Variants in CLTB observed in about 807,000 individuals in gnomAD.
The protein encoded by CLTB is clathrin light chain B, also known as clathrin, light chain (Lcb).
In CLTB, 10 loss-of-function variants were observed where a neutral mutation model predicts 30.5. That is an observed-to-expected ratio of 0.33 (90% confidence interval 0.20 to 0.56). The LOEUF (loss-of-function observed/expected upper bound fraction) is 0.56. CLTB is among the 20% of genes least tolerant of loss of function. The pLI, the probability that CLTB is intolerant of heterozygous loss-of-function variation, is 0.91. For synonymous variants in CLTB, 102 were observed against 120.3 expected (o/e 0.85, Z 1.00); for missense variants, 261 against 308.3 (o/e 0.85, Z 1.15).
At chr5:176,402,038 C>A (rs1269730785) in intron 2 of CLTB, among the ~76,000 whole-genome samples, 1 of 152,172 alleles carries the variant, frequency 6.6e-6, no homozygotes, top group Admixed American at 6.5e-5. Flanking sequence ...CACGGTGGCT[C>A]GCGCCTATAA....
chr5:176,399,166 GTGTT>G (rs1277667880), intron 2 of CLTB, among the ~76,000 whole-genome samples: 2 of 151,942 alleles, frequency 1.3e-5, no homozygotes, highest in East Asian at 3.9e-4. Flanking sequence ...ACTTTATAAT[GTGTT>G]TGTCTGTCTC....
At chr5:176,416,124 G>A (rs1757677694) in intron 1 of CLTB, 53 bp downstream of exon 1, 1 of 1,437,776 alleles carries the variant, frequency 7.0e-7, no homozygotes, top group Non-Finnish European at 9.1e-7. Flanking sequence ...GCCCCGGCCG[G>A]GGTCCCCCGG....
chr5:176,392,660 G>A lies in CLTB; in HGVS notation c.*114C>T, dbSNP rs1218527453. ...CCTCCCAGCGCCTGGAGATGGGGAG[G>A]AGTGGAATAGGCTGTGGGTAGCAGC... On this transcript the variant is annotated 3_prime_UTR_variant, in exon 6 of 6. Coordinates refer to ENST00000310418, the MANE Select transcript of CLTB (RefSeq NM_007097.5). The surrounding 1 kb of genome is among the most constrained non-coding windows in gnomAD (Gnocchi z 5.2). The A allele has an allele frequency of 6.5e-6, 8 of 1,227,588 alleles. No individual in the cohort carries two copies. The highest frequency in any genetic ancestry group is 9.2e-6 in the Non-Finnish European group (8 of 870,596). The allele number at this position is 1,227,588 out of a possible 1,614,324, so 76.0% of individuals were successfully genotyped here.
At chr5:176,395,201 C>T (rs1461176828) in intron 5 of CLTB, among the ~76,000 whole-genome samples, 1 of 152,024 alleles carries the variant, frequency 6.6e-6, no homozygotes, top group Non-Finnish European at 1.5e-5. Context: ...CCCACCTTCT[C>T]TTCCCACCCT....
At position 176,396,485 on chromosome 5, in the gene CLTB, C is replaced by A; in HGVS notation, c.512G>T (p.Gly171Val). 1 of 1,613,832 alleles carries A rather than the reference C, an allele frequency of 6.2e-7. No individual in the cohort carries two copies. Among genetic ancestry groups the A allele is most frequent in the Non-Finnish European group, 8.5e-7 (1 of 1,179,752 alleles). Residue 171 changes from glycine to valine, a missense_variant, in exon 5 of 6, where the codon GGC (glycine) becomes GTC (valine). Gly to Val is a moderately radical substitution (Grantham distance 109). Coordinates refer to ENST00000310418, the MANE Select transcript of CLTB (RefSeq NM_007097.5). ...AAGCAAAACAGACACGTACACGTAG[C>A]CGATGATATCAGCATCTGGCTGCTG... ...FYQQPDADIIGYVASEEAFVK... is the reference protein window; with the variant it reads ...FYQQPDADIIVYVASEEAFVK...
chr5:176,402,136 C>G (rs534019226), intron 2 of CLTB, among the ~76,000 whole-genome samples: 3 of 152,232 alleles, frequency 2.0e-5, no homozygotes, highest in African/African-American at 4.8e-5. Flanking sequence ...AACCCCATCT[C>G]TACTAAAATA....
At chr5:176,405,009 G>A (rs1757033985) in intron 2 of CLTB, among the ~76,000 whole-genome samples, 1 of 152,208 alleles carries the variant, frequency 6.6e-6, no homozygotes, top group Admixed American at 6.5e-5. Context: ...GTATAAAACA[G>A]GAATAATGAC....
At chr5:176,400,435 G>C (rs1756762265) in intron 2 of CLTB, among the ~76,000 whole-genome samples, 1 of 152,154 alleles carries the variant, frequency 6.6e-6, no homozygotes. Flanking sequence ...GCCAGGACTA[G>C]AGTCCAGGTC....
In CLTB at chr5:176,394,509, TA is replaced by T. The variant is rs1165524369; in HGVS notation, c.519-1565del. Reference sequence around the variant, plus strand: ...CAACATGGTGAAACCCCATCTCTACTAAAAATACAAAAAATTAGCTGGGTGT... The same window carrying T: ...CAACATGGTGAAACCCCATCTCTACTAAAATACAAAAAATTAGCTGGGTGT... On this transcript the variant is annotated intron_variant, in intron 5 of 5. Coordinates refer to ENST00000310418, the MANE Select transcript of CLTB (RefSeq NM_007097.5). 2.6e-5 allele frequency among the ~76,000 whole-genome samples: 4 copies of T among 151,660 alleles called. 1 individual carries two copies. The highest frequency in any genetic ancestry group is 4.9e-5 in the African/African-American group (2 of 41,168).
intron 1 of CLTB, among the ~76,000 whole-genome samples, chr5:176,412,330 C>T (rs1468084862): frequency 6.6e-6 from 1 of 152,176 alleles, no homozygotes; most frequent in Non-Finnish European, 1.5e-5. Context: ...GGATATCATA[C>T]AGTATCCTGC....
rs535012565 is a variant in CLTB, at chr5:176,407,160, G to A, written c.234+3097C>T. On this transcript the variant is annotated intron_variant, in intron 2 of 5. Coordinates refer to ENST00000310418, the MANE Select transcript of CLTB (RefSeq NM_007097.5). ...ACAGCTCACCCACGGCTGACAGGTC[G>A]GGAGGGAGAAGGCGGGGGGCCAAGT... Among the ~76,000 whole-genome samples, 33 of 152,314 alleles carry A rather than the reference G, an allele frequency of 2.2e-4. No individual in the cohort carries two copies. In the East Asian group the frequency reaches 5.4e-3, roughly 25 times the overall value.
chr5:176,397,657 C>T lies in CLTB; in HGVS notation c.414G>A (p.Glu138=), dbSNP rs1362682319. Residue 138 remains glutamate (E), a synonymous_variant, in exon 4 of 6, where the codon GAG becomes GAA. Coordinates refer to ENST00000310418, the MANE Select transcript of CLTB (RefSeq NM_007097.5). ...WREKAKKDLE[E]WNQRQSEQVE... is the part of the protein sequence containing the mutation. ...CTTGTTCACTCTGGCGCTGGTTCCA[C>T]TCCTCCAGGTCCTTCTTGGCCTTCT... is the stretch of plus-strand genomic sequence containing the variant. 2.5e-6 allele frequency: 4 copies of T among 1,613,310 alleles called. No individual in the cohort carries two copies. Among genetic ancestry groups the T allele is most frequent in the East Asian group, 2.2e-5 (1 of 44,824 alleles).
At chr5:176,413,140 G>A (rs1181422467) in intron 1 of CLTB, among the ~76,000 whole-genome samples, 1 of 152,104 alleles carries the variant, frequency 6.6e-6, no homozygotes, top group South Asian at 2.1e-4. Flanking sequence ...TTCCCACAGT[G>A]CTCTCCACCC....
At chr5:176,403,233 A>G (rs749552393) in intron 2 of CLTB, among the ~76,000 whole-genome samples, 11 of 151,804 alleles carry the variant, frequency 7.2e-5, no homozygotes, top group Non-Finnish European at 1.6e-4. Context: ...TATTTTTAGT[A>G]GAGACGGGGT....
chr5:176,412,060 C>T (rs1183634042), intron 1 of CLTB, among the ~76,000 whole-genome samples: 1 of 151,630 alleles, frequency 6.6e-6, no homozygotes, highest in Non-Finnish European at 1.5e-5. Context: ...CCTGTAGTCC[C>T]AGCCACTCGG....
rs74602673 is a variant in CLTB at position 176,395,365 on chromosome 5, C to T, written c.518+1114G>A. Among the ~76,000 whole-genome samples the T allele has an allele frequency of 9.4e-3, 1,432 of 152,278 alleles. 23 individuals carry two copies. Among genetic ancestry groups the T allele is most frequent in the African/African-American group, 0.033 (1,363 of 41,540 alleles). ...CATAACACACTCCAGACCATGAGCA[C>T]GGTGAGGGGGGCGGCCTGTGGGTGT... On this transcript the variant is annotated intron_variant, in intron 5 of 5. Transcript: ENST00000310418.
At chr5:176,405,553 A>T (rs143969287) in intron 2 of CLTB, 20 of 152,292 alleles carry the variant, frequency 1.3e-4, no homozygotes, top group African/African-American at 4.1e-4. Flanking sequence ...CTTTGGAGAC[A>T]AACTATCCAG....
intron 1 of CLTB, among the ~76,000 whole-genome samples, chr5:176,412,927 A>G (rs1422155736): frequency 6.6e-6 from 1 of 151,968 alleles, no homozygotes; most frequent in Non-Finnish European, 1.5e-5. Flanking sequence ...CGGTCTGTAC[A>G]TTTGGCCTTC....
At chr5:176,406,767 T>C in intron 2 of CLTB, 14 of 1,232,042 alleles carry the variant, frequency 1.1e-5, no homozygotes, top group Non-Finnish European at 1.5e-5. Context: ...TTGAAAGTGT[T>C]GGGTGTGCAC....
Sources: gnomAD v4.1 joint callset for allele counts (sites outside exome capture counted in the v4.1 genomes callset) on GRCh38, gnomAD v4.1.1 for gene constraint, Gnocchi (gnomAD v3.1) non-coding constraint, MANE v1.5 for transcripts, NCBI Gene and HGNC (gene_info 2026-07-23, HGNC 2026-07-21) for gene names.